The following MBOAT2 variants were observed in gnomAD, a reference collection of about 807,000 sequenced individuals.
The protein encoded by MBOAT2 is membrane bound glycerophospholipid O-acyltransferase 2.
Under a neutral mutation model 63.4 loss-of-function variants are expected in MBOAT2, and 28 were observed. The observed-to-expected ratio is 0.44, with a 90% CI of 0.33 to 0.61. MBOAT2 has a LOEUF of 0.61. Ranked by LOEUF, MBOAT2 falls within the 20% of genes least tolerant of loss-of-function variation. MBOAT2 has a pLI of 0.03. For synonymous variants in MBOAT2, 211 were observed against 215.6 expected, an observed-to-expected ratio of 0.98 and a Z score of 0.19; for missense variants, 470 against 605.8, an observed-to-expected ratio of 0.78 and a Z score of 2.35.
chr2:8,888,123 A>G, intron 4 of MBOAT2, 50 bp from the exon 5 acceptor site: 1 of 1,517,842 alleles, frequency 6.6e-7, no homozygotes, highest in Non-Finnish European at 9.1e-7. Context: ...AAGTTAAAAC[A>G]ATACTTATGA....
chr2:8,960,192 T>C (rs1331871291), intron 1 of MBOAT2, among the ~76,000 whole-genome samples: 2 of 152,220 alleles, frequency 1.3e-5, no homozygotes, highest in Non-Finnish European at 2.9e-5. Context: ...AAAATTTGTG[T>C]TCTTCATATT....
At chr2:8,943,144 C>G (rs1482353560) in intron 3 of MBOAT2, 43 bp downstream of exon 3, 1 of 1,146,886 alleles carries the variant, frequency 8.7e-7, no homozygotes, top group Non-Finnish European at 1.2e-6. Flanking sequence ...CAGTTCTATT[C>G]AAGTGAAATA....
At chr2:8,877,782 T>C (rs1234028389) in intron 6 of MBOAT2, among the ~76,000 whole-genome samples, 1 of 151,936 alleles carries the variant, frequency 6.6e-6, no homozygotes, top group Non-Finnish European at 1.5e-5. Context: ...TGAGAGGAGT[T>C]GTGTGGATGT....
chr2:9,003,623 C>T lies in MBOAT2; in HGVS notation c.-9G>A. 1.7e-6 allele frequency: 2 copies of T among 1,172,568 alleles called. No individual in the cohort carries two copies. The highest frequency in any genetic ancestry group is 2.1e-6 in the Non-Finnish European group (2 of 951,372). The allele number at this position is 1,172,568 out of a possible 1,614,324, so 72.6% of individuals were successfully genotyped here. A position where few individuals can be genotyped will look rare whatever the true frequency, so the allele number is the denominator to read the frequency against. On this transcript the variant is annotated 5_prime_UTR_variant, in exon 1 of 13. Transcript: ENST00000305997. This position sits in a 1 kb window ranked among gnomAD's most constrained non-coding sequence, Gnocchi z 5.4. Reference sequence around the variant, plus strand: ...GTGCTGGTGGTGGCCATGGCCGGGCCTCGGCGCTCCGGCCGCCCGCGCCGC... The same window carrying T: ...GTGCTGGTGGTGGCCATGGCCGGGCTTCGGCGCTCCGGCCGCCCGCGCCGC...
chr2:8,920,560 C>CAA lies in MBOAT2; in HGVS notation c.300-11846_300-11845dup, dbSNP rs56670658. On this transcript the variant is annotated intron_variant, in intron 3 of 12. Transcript: ENST00000305997. ...TTAGGAAAAGCTTATCAATTTCTAC[C>CAA]AAAAAAAAAAACTGCCAGTGTTTCT... Among the ~76,000 whole-genome samples, 459 of 144,074 alleles carry CAA rather than the reference C, an allele frequency of 3.2e-3. 3 individuals are homozygous for CAA. Among genetic ancestry groups the CAA allele is most frequent in the South Asian group, 0.017 (79 of 4,564 alleles). The allele number at this position is 144,074 out of a possible 152,430, so 94.5% of individuals were successfully genotyped here. A position where few individuals can be genotyped will look rare whatever the true frequency, so the allele number is the denominator to read the frequency against.
chr2:8,883,432 G>C lies in MBOAT2; in HGVS notation c.452-867C>G, dbSNP rs1183317964. On this transcript the variant is annotated intron_variant, in intron 5 of 12. Coordinates refer to ENST00000305997, the MANE Select transcript of MBOAT2 (RefSeq NM_138799.4). ...TACAAGTATGCAGAAATTTTAAAGGGCTCTTACTCATATAATACAATCTAA... is the reference window on the plus strand; with the variant it reads ...TACAAGTATGCAGAAATTTTAAAGGCCTCTTACTCATATAATACAATCTAA... Among the ~76,000 whole-genome samples the C allele has an allele frequency of 3.3e-5, 5 of 151,910 alleles. No homozygotes were observed. In the South Asian group the frequency reaches 1.0e-3, roughly 32 times the overall value.
At chr2:8,864,346 A>AGTAT (rs1661707725) in intron 9 of MBOAT2, 112 bp from the exon 10 acceptor site, 1 of 511,688 alleles carries the variant, frequency 2.0e-6, no homozygotes, top group African/African-American at 2.0e-5. Flanking sequence ...CATCGATGGT[A>AGTAT]GTATAGTGAT....
rs76118653 is a variant in MBOAT2 at position 8,877,293 on chromosome 2, C to T, written c.507-80G>A. On this transcript the variant is annotated intron_variant, in intron 6 of 12. Coordinates refer to ENST00000305997, the MANE Select transcript of MBOAT2 (RefSeq NM_138799.4). ...GATAGAATAACGATCCACCTCACTG[C>T]TCTCCATTTCCAAAGTAAAACAAGC... is the stretch of plus-strand genomic sequence containing the variant. 436 of 1,300,684 alleles carry T rather than the reference C, an allele frequency of 3.4e-4. 1 individual carries two copies. In the African/African-American group the frequency reaches 5.6e-3, roughly 17 times the overall value. 80.6% of individuals were successfully genotyped at this position (1,300,684 alleles called of 1,614,324 possible).
chr2:8,971,276 T>A (rs1004488071), intron 1 of MBOAT2, among the ~76,000 whole-genome samples: 18 of 152,236 alleles, frequency 1.2e-4, no homozygotes, highest in Non-Finnish European at 2.4e-4. Context: ...CACATGATTA[T>A]CTCAACAGAT....
intron 4 of MBOAT2, among the ~76,000 whole-genome samples, chr2:8,894,105 C>G (rs973496454): frequency 1.2e-4 from 19 of 152,242 alleles, no homozygotes; most frequent in African/African-American, 4.6e-4. Flanking sequence ...TCCCCTAGCC[C>G]CCACCCGCCG....
At chr2:8,905,498 C>T (rs1275282741) in intron 4 of MBOAT2, among the ~76,000 whole-genome samples, 3 of 152,094 alleles carry the variant, frequency 2.0e-5, no homozygotes, top group Non-Finnish European at 4.4e-5. Context: ...GATGCATGTC[C>T]TTTGTAGGGA....
chr2:8,973,910 AG>A (rs1279818006), intron 1 of MBOAT2, among the ~76,000 whole-genome samples: 4 of 152,180 alleles, frequency 2.6e-5, no homozygotes, highest in Non-Finnish European at 5.9e-5. Context: ...ATTTGGAAAT[AG>A]GGAAGACGAT....
At chr2:8,880,484 A>T (rs971190134) in intron 6 of MBOAT2, among the ~76,000 whole-genome samples, 10 of 152,346 alleles carry the variant, frequency 6.6e-5, no homozygotes, top group South Asian at 6.2e-4. Context: ...GCTGCCTGTC[A>T]CTATCCATAC....
intron 1 of MBOAT2, among the ~76,000 whole-genome samples, chr2:8,973,007 T>G (rs1462565509): frequency 6.6e-6 from 1 of 152,176 alleles, no homozygotes; most frequent in African/African-American, 2.4e-5. Flanking sequence ...GACCCAGCCA[T>G]CCCATTACTG....
intron 1 of MBOAT2, among the ~76,000 whole-genome samples, chr2:8,996,639 G>GC (rs1040187227): frequency 4.6e-5 from 7 of 152,176 alleles, no homozygotes; most frequent in Admixed American, 2.0e-4. Context: ...CTGTGAAGCA[G>GC]CCCCTGCTCC....
chr2:8,863,381 G>A (rs1011621788), intron 10 of MBOAT2, among the ~76,000 whole-genome samples: 19 of 152,106 alleles, frequency 1.2e-4, no homozygotes, highest in African/African-American at 4.3e-4. Context: ...CGTTATAGGG[G>A]CCGTTTTTTA....
chr2:8,961,947 C>G (rs527414541), intron 1 of MBOAT2, among the ~76,000 whole-genome samples: 60 of 152,120 alleles, frequency 3.9e-4, no homozygotes, highest in Non-Finnish European at 7.4e-4. Flanking sequence ...TGTGCCTCCC[C>G]CTGCCCAGCC....
intron 3 of MBOAT2, among the ~76,000 whole-genome samples, chr2:8,909,599 A>G (rs991792094): frequency 2.0e-5 from 3 of 152,350 alleles, no homozygotes; most frequent in African/African-American, 7.2e-5. Context: ...AAATTTGACC[A>G]AATAAAAATC....
intron 4 of MBOAT2, among the ~76,000 whole-genome samples, chr2:8,896,793 A>T (rs1042527607): frequency 5.3e-5 from 8 of 152,334 alleles, no homozygotes; most frequent in Admixed American, 5.2e-4. Flanking sequence ...CACTTACTGA[A>T]TACCCATTGT....
Sources: gnomAD v4.1 joint callset for allele counts (sites outside exome capture counted in the v4.1 genomes callset) on GRCh38, gnomAD v4.1.1 for gene constraint, Gnocchi (gnomAD v3.1) non-coding constraint, MANE v1.5 for transcripts, NCBI Gene and HGNC (gene_info 2026-07-23, HGNC 2026-07-21) for gene names.